Variants in SLC35F1 observed in about 807,000 individuals in gnomAD.
SLC35F1 encodes the protein solute carrier family 35 member F1.
Under a neutral mutation model 48.7 loss-of-function variants are expected in SLC35F1, and 14 were observed. The ratio of observed to expected loss-of-function variants is 0.29; its 90% CI spans 0.19 to 0.45. The LOEUF (loss-of-function observed/expected upper bound fraction) is 0.45. SLC35F1 is among the 20% of genes least tolerant of loss of function. SLC35F1 has a pLI of 1.00. For missense variants in SLC35F1, 404 were observed against 500.0 expected (o/e 0.81, Z 1.83); for synonymous variants, 190 against 202.2 (o/e 0.94, Z 0.51).
chr6:118,254,079 T>A (rs1775612680), intron 3 of SLC35F1, among the ~76,000 whole-genome samples: 1 of 151,780 alleles, frequency 6.6e-6, no homozygotes, highest in South Asian at 2.1e-4. Context: ...AAGGGCAGAA[T>A]TGCCTTCCCC....
chr6:118,147,577 A>T (rs1306525839), intron 1 of SLC35F1, among the ~76,000 whole-genome samples: 1 of 152,154 alleles, frequency 6.6e-6, no homozygotes, highest in Non-Finnish European at 1.5e-5. Context: ...CCAAACCCAG[A>T]GTGAGAGATA....
intron 2 of SLC35F1, among the ~76,000 whole-genome samples, chr6:118,183,056 A>G (rs1774605981): frequency 2.0e-5 from 3 of 152,324 alleles, no homozygotes; most frequent in Middle Eastern, 3.4e-3. Flanking sequence ...TTTAAACACC[A>G]TCTTCAAAAT....
chr6:118,022,738 G>A (rs1016714898), intron 1 of SLC35F1, among the ~76,000 whole-genome samples: 1 of 150,152 alleles, frequency 6.7e-6, no homozygotes, highest in Non-Finnish European at 1.5e-5. Flanking sequence ...AAGGCTACAA[G>A]CTTGGACAAT....
At chr6:118,172,386 T>C (rs943111861) in intron 2 of SLC35F1, among the ~76,000 whole-genome samples, 20 of 152,160 alleles carry the variant, frequency 1.3e-4, no homozygotes, top group Non-Finnish European at 5.9e-5. Context: ...CACCTACATA[T>C]GGTTTTCTGC....
intron 1 of SLC35F1, among the ~76,000 whole-genome samples, chr6:118,084,024 TCATAA>T (rs1363538752): frequency 6.6e-6 from 1 of 152,218 alleles, no homozygotes; most frequent in Non-Finnish European, 1.5e-5. Flanking sequence ...TGTTTAATTC[TCATAA>T]CAGCCAGATG....
intron 1 of SLC35F1, among the ~76,000 whole-genome samples, chr6:118,119,503 C>CCCG (rs1491187027): frequency 3.5e-5 from 2 of 56,974 alleles, no homozygotes; most frequent in African/African-American, 7.2e-5. Flanking sequence ...CGCCCCCCCT[C>CCCG]CACCCCGCTT....
intron 1 of SLC35F1, among the ~76,000 whole-genome samples, chr6:118,132,738 AT>A (rs1245069845): frequency 6.6e-6 from 1 of 152,222 alleles, no homozygotes; most frequent in Non-Finnish European, 1.5e-5. Flanking sequence ...ATAGGGAATG[AT>A]TTGAGCAGTA....
intron 1 of SLC35F1, among the ~76,000 whole-genome samples, chr6:117,924,505 C>T (rs960382846): frequency 5.9e-4 from 10 of 17,032 alleles, no homozygotes; most frequent in Non-Finnish European, 1.0e-3. Context: ...TATGTATATA[C>T]GTATATACAT....
intron 1 of SLC35F1, among the ~76,000 whole-genome samples, chr6:117,982,408 A>G (rs1776791776): frequency 6.6e-6 from 1 of 152,234 alleles, no homozygotes; most frequent in Admixed American, 6.5e-5. Flanking sequence ...AGAAATAAAA[A>G]CTATGATTTT....
intron 2 of SLC35F1, among the ~76,000 whole-genome samples, chr6:118,234,522 C>T (rs908936904): frequency 2.0e-5 from 3 of 152,166 alleles, no homozygotes; most frequent in Admixed American, 1.3e-4. Flanking sequence ...GATGACACTG[C>T]ATTCCCGGTT....
intron 3 of SLC35F1, among the ~76,000 whole-genome samples, chr6:118,237,324 AACACACACACACACAC>A (rs67116512): frequency 6.7e-6 from 1 of 149,614 alleles, no homozygotes; most frequent in Non-Finnish European, 1.5e-5. Context: ...ATTCTAAGAA[AACACACACACACACAC>A]ACACACACAC....
chr6:118,297,754 A>AAGTTCTGAGAAAT, intron 7 of SLC35F1, among the ~76,000 whole-genome samples: 1 of 30,444 alleles, frequency 3.3e-5, no homozygotes, highest in South Asian at 9.3e-4. Flanking sequence ...ATATATATAT[A>AAGTTCTGAGAAAT]ATATATATAT....
At chr6:118,273,238 T>C (rs1775880775) in intron 4 of SLC35F1, among the ~76,000 whole-genome samples, 1 of 152,138 alleles carries the variant, frequency 6.6e-6, no homozygotes, top group East Asian at 1.9e-4. Context: ...GCCATAACAG[T>C]GTGGCGTTTG....
chr6:118,167,327 T>C (rs1774333314), intron 2 of SLC35F1, among the ~76,000 whole-genome samples: 1 of 152,194 alleles, frequency 6.6e-6, no homozygotes, highest in Admixed American at 6.5e-5. Flanking sequence ...AGGGATATCT[T>C]CTGAGAAATG....
chr6:118,020,605 G>A (rs1382855155), intron 1 of SLC35F1, among the ~76,000 whole-genome samples: 1 of 152,200 alleles, frequency 6.6e-6, no homozygotes, highest in Non-Finnish European at 1.5e-5. Context: ...GAGAGACTTG[G>A]AAGAATTATT....
At chr6:118,026,780 T>A (rs1771954808) in intron 1 of SLC35F1, among the ~76,000 whole-genome samples, 1 of 152,198 alleles carries the variant, frequency 6.6e-6, no homozygotes, top group African/African-American at 2.4e-5. Flanking sequence ...TTTTCTGGTT[T>A]TTAAAAAGAA....
intron 1 of SLC35F1, among the ~76,000 whole-genome samples, chr6:118,057,458 T>C (rs1350339537): frequency 6.6e-6 from 1 of 152,122 alleles, no homozygotes; most frequent in East Asian, 1.9e-4. Flanking sequence ...CATTGAACAC[T>C]GAGATTCTTG....
chr6:118,302,370 C>G (rs757706370), intron 7 of SLC35F1, among the ~76,000 whole-genome samples: 4 of 152,092 alleles, frequency 2.6e-5, no homozygotes, highest in Non-Finnish European at 4.4e-5. Flanking sequence ...CAGGAGGAAC[C>G]ATTTCAGGAA....
intron 7 of SLC35F1, among the ~76,000 whole-genome samples, chr6:118,296,516 A>T (rs1025722411): frequency 1.3e-5 from 2 of 152,226 alleles, no homozygotes; most frequent in Non-Finnish European, 2.9e-5. Context: ...GGTCTCTGCT[A>T]CACTAGCAAT....
Sources: allele counts gnomAD v4.1 joint callset (sites outside exome capture counted in the v4.1 genomes callset), GRCh38; gene constraint gnomAD v4.1.1; transcripts MANE v1.5; gene names NCBI Gene and HGNC (gene_info 2026-07-23, HGNC 2026-07-21).